Variants in FMNL2 observed in about 807,000 individuals in gnomAD.
FMNL2 encodes formin like 2.
Under a neutral mutation model 130.2 loss-of-function variants are expected in FMNL2, and 51 were observed. The ratio of observed to expected loss-of-function variants is 0.39; its 90% CI spans 0.31 to 0.49. FMNL2 has a LOEUF of 0.49. Ranked by LOEUF, FMNL2 falls within the 20% of genes least tolerant of loss-of-function variation. The pLI, the probability that FMNL2 is intolerant of heterozygous loss-of-function variation, is 0.85. For missense variants in FMNL2, 977 were observed against 1,316.2 expected, an observed-to-expected ratio of 0.74 and a Z score of 3.99; for synonymous variants, 465 against 467.1, an observed-to-expected ratio of 1.00 and a Z score of 0.06.
intron 1 of FMNL2, among the ~76,000 whole-genome samples, chr2:152,456,230 G>A (rs552073154): frequency 5.9e-4 from 90 of 152,296 alleles, no homozygotes; most frequent in Non-Finnish European, 8.4e-4. Context: ...CCTCTCACTA[G>A]AAAGAGGAAG....
chr2:152,377,607 A>G (rs1438636300), intron 1 of FMNL2, among the ~76,000 whole-genome samples: 1 of 152,244 alleles, frequency 6.6e-6, no homozygotes, highest in Non-Finnish European at 1.5e-5. Context: ...GACAGTATAT[A>G]GGATAGAACA....
At chr2:152,515,551 G>A (rs1692723247) in intron 1 of FMNL2, among the ~76,000 whole-genome samples, 1 of 152,120 alleles carries the variant, frequency 6.6e-6, no homozygotes, top group African/African-American at 2.4e-5. Flanking sequence ...GGTTATTTAA[G>A]TGGAATTGTG....
At chr2:152,601,529 G>C (rs13023928) in intron 9 of FMNL2, among the ~76,000 whole-genome samples, 3,077 of 151,826 alleles carry the variant, frequency 0.02, 73 homozygotes, top group Middle Eastern at 0.034. Context: ...TCGAACTCCT[G>C]ACCTCAGGCA....
intron 1 of FMNL2, among the ~76,000 whole-genome samples, chr2:152,499,554 C>G (rs993527608): frequency 2.0e-5 from 3 of 152,178 alleles, no homozygotes; most frequent in African/African-American, 4.8e-5. Flanking sequence ...AAAAAAAGGG[C>G]CTGATTCGTG....
intron 10 of FMNL2, among the ~76,000 whole-genome samples, chr2:152,610,894 T>C (rs1239995342): frequency 1.3e-5 from 2 of 152,240 alleles, no homozygotes; most frequent in Admixed American, 6.5e-5. Flanking sequence ...TTTTTTACAT[T>C]ACCACCAGCA....
At position 152,648,247 on chromosome 2, in the gene FMNL2, G is replaced by A. The variant is rs935844630; in HGVS notation, c.*342G>A. The stretch of plus-strand genomic sequence containing the variant: ...CCCATCATGGCCCACCTGGTTTCCT[G>A]ATGTTGTAAATAACATCAATGCATC... On this transcript the variant is annotated 3_prime_UTR_variant, in exon 26 of 26. Transcript: ENST00000288670. 1 of 212,136 alleles carries A rather than the reference G, an allele frequency of 4.7e-6. No homozygotes were observed. The highest frequency in any genetic ancestry group is 1.2e-4 in the East Asian group (1 of 8,478). The allele number at this position is 212,136 out of a possible 1,614,324, so 13.1% of individuals were successfully genotyped here.
At chr2:152,536,597 A>G (rs1269362260) in intron 2 of FMNL2, among the ~76,000 whole-genome samples, 1 of 152,216 alleles carries the variant, frequency 6.6e-6, no homozygotes, top group African/African-American at 2.4e-5. Context: ...TAATACTCAC[A>G]TAATGATGGT....
chr2:152,548,947 A>G (rs1347154727), intron 3 of FMNL2, 74 bp from the exon 4 acceptor site: 1 of 1,179,704 alleles, frequency 8.5e-7, no homozygotes, highest in African/African-American at 1.6e-5. Context: ...TATTGTGTTA[A>G]ATTTATTATA....
chr2:152,414,801 C>G (rs1421557273), intron 1 of FMNL2, among the ~76,000 whole-genome samples: 4 of 152,208 alleles, frequency 2.6e-5, no homozygotes, highest in Admixed American at 2.0e-4. Flanking sequence ...TCTTCTTTTC[C>G]TAACTCTGAG....
chr2:152,625,694 G>A (rs1311299383), intron 16 of FMNL2, 132 bp downstream of exon 16: 3 of 1,049,542 alleles, frequency 2.9e-6, no homozygotes, highest in African/African-American at 3.1e-5. Flanking sequence ...GAAGAAACAT[G>A]TATGTAATAT....
chr2:152,582,425 A>T (rs1696845132), intron 9 of FMNL2, among the ~76,000 whole-genome samples: 1 of 152,236 alleles, frequency 6.6e-6, no homozygotes, highest in Non-Finnish European at 1.5e-5. Flanking sequence ...CCTTACTGCT[A>T]GTCCATTCTT....
chr2:152,612,074 T>C (rs1001338748), intron 11 of FMNL2, among the ~76,000 whole-genome samples: 2 of 152,230 alleles, frequency 1.3e-5, no homozygotes, highest in African/African-American at 2.4e-5. Context: ...CTGAAGCTGC[T>C]AAATTCTGCT....
chr2:152,545,172 A>G (rs1020251361), intron 3 of FMNL2, among the ~76,000 whole-genome samples: 11 of 152,214 alleles, frequency 7.2e-5, no homozygotes, highest in Non-Finnish European at 1.3e-4. Context: ...ACACAACATA[A>G]TTGTAATGCT....
chr2:152,380,634 A>C (rs1422046730), intron 1 of FMNL2, among the ~76,000 whole-genome samples: 1 of 152,136 alleles, frequency 6.6e-6, no homozygotes, highest in Non-Finnish European at 1.5e-5. Flanking sequence ...GCTGTCTCCT[A>C]ATGGATTACT....
At chr2:152,456,114 T>A (rs12989726) in intron 1 of FMNL2, among the ~76,000 whole-genome samples, 21,836 of 152,246 alleles carry the variant, frequency 0.14, 2,704 homozygotes, top group African/African-American at 0.31. Flanking sequence ...AGATAAATGC[T>A]AGAAGGGAAG....
At position 152,590,980 on chromosome 2, in the gene FMNL2, C is replaced by CTTTTTTTTT. The variant is rs1158391663; in HGVS notation, c.876+9967_876+9975dup. Among the ~76,000 whole-genome samples, 26 of 65,788 alleles carry CTTTTTTTTT rather than the reference C, an allele frequency of 4.0e-4. 1 individual carries two copies. The highest frequency in any genetic ancestry group is 6.5e-4 in the Admixed American group (3 of 4,630). 43.2% of individuals were successfully genotyped at this position (65,788 alleles called of 152,430 possible). ...CAGAGTTAGATTTTCCCTCTGATAA[C>CTTTTTTTTT]TTTTTTTTTTTTTTTTTTTTTTTTT... On this transcript the variant is annotated intron_variant, in intron 9 of 25. Coordinates refer to ENST00000288670, the MANE Select transcript of FMNL2 (RefSeq NM_052905.4).
At chr2:152,404,129 C>CT (rs1012331853) in intron 1 of FMNL2, among the ~76,000 whole-genome samples, 3 of 151,966 alleles carry the variant, frequency 2.0e-5, no homozygotes, top group South Asian at 2.1e-4. Flanking sequence ...TACCCCCCGC[C>CT]TTTTTTTTGG....
At chr2:152,646,332 A>C (rs1321387638) in intron 25 of FMNL2, among the ~76,000 whole-genome samples, 1 of 31,582 alleles carries the variant, frequency 3.2e-5, no homozygotes, top group Non-Finnish European at 7.7e-5. Context: ...CTCCCCTCAC[A>C]ACCCCCGCCC....
chr2:152,438,470 G>A (rs1687890023), intron 1 of FMNL2, among the ~76,000 whole-genome samples: 1 of 152,244 alleles, frequency 6.6e-6, no homozygotes, highest in Admixed American at 6.5e-5. Flanking sequence ...GCTTAATGCA[G>A]AAATACAGGA....
Sources: gnomAD v4.1 joint callset for allele counts (sites outside exome capture counted in the v4.1 genomes callset) on GRCh38, gnomAD v4.1.1 for gene constraint, MANE v1.5 for transcripts, NCBI Gene and HGNC (gene_info 2026-07-23, HGNC 2026-07-21) for gene names.